TWSG1: variants seen among roughly 807,000 people sequenced by gnomAD.
TWSG1 encodes twisted gastrulation protein homolog 1.
Under a neutral mutation model 23.0 loss-of-function variants are expected in TWSG1, and 15 were observed. The ratio of observed to expected loss-of-function variants is 0.65; its 90% CI spans 0.44 to 1.00. The LOEUF is 1.00. Ranked by LOEUF, TWSG1 falls within the 50% of genes least tolerant of loss-of-function variation. TWSG1 has a pLI of 0.00. For missense variants in TWSG1, 242 were observed against 278.7 expected (o/e 0.87, Z 0.94); for synonymous variants, 86 against 92.8 (o/e 0.93, Z 0.42).
chr18:9,344,490 C>CGTGTGTGTGTGT lies in TWSG1; in HGVS notation c.123+7138_123+7139insGTGTGTGTGTGT, dbSNP rs1491456878. ...CATCTTTTTATGTGCTTAGTGAATG[C>CGTGTGTGTGTGT]ATGTGTGTGTGTGTGTGTGTGTGTG... On this transcript the variant is annotated intron_variant, in intron 2 of 4. Coordinates refer to ENST00000262120, the MANE Select transcript of TWSG1 (RefSeq NM_020648.6). 3.4e-3 allele frequency among the ~76,000 whole-genome samples: 387 copies of CGTGTGTGTGTGT among 112,740 alleles called. 19 individuals carry two copies. The highest frequency in any genetic ancestry group is 0.015 in the Middle Eastern group (3 of 198). The allele number at this position is 112,740 out of a possible 152,430, so 74.0% of individuals were successfully genotyped here. A position where few individuals can be genotyped will look rare whatever the true frequency, so the allele number is the denominator to read the frequency against.
intron 3 of TWSG1, among the ~76,000 whole-genome samples, chr18:9,371,670 A>G (rs1352462054): frequency 1.3e-5 from 2 of 151,882 alleles, no homozygotes; most frequent in Non-Finnish European, 2.9e-5. Context: ...TATATTTCCT[A>G]TATATTCTCT....
intron 2 of TWSG1, among the ~76,000 whole-genome samples, chr18:9,339,907 T>C (rs112913016): frequency 3.3e-5 from 5 of 152,358 alleles, no homozygotes; most frequent in African/African-American, 1.2e-4. Flanking sequence ...ACTCAAATGG[T>C]GATTCTAGTA....
At position 9,402,373 on chromosome 18, in the gene TWSG1, TG is replaced by T. The variant is rs2040766807; in HGVS notation, c.*2848del. ...ACATATAAAATTGTGTATTTTTCTT[TG>T]GTTGTCCCTATTAACAAAAAAGTAT... is the stretch of plus-strand genomic sequence containing the variant. On this transcript the variant is annotated 3_prime_UTR_variant, in exon 5 of 5. Coordinates refer to ENST00000262120, the MANE Select transcript of TWSG1 (RefSeq NM_020648.6). 6.6e-6 allele frequency: 1 copy of T among 152,230 alleles called. No homozygotes were observed. Among genetic ancestry groups the T allele is most frequent in the Non-Finnish European group, 1.5e-5 (1 of 68,028 alleles). 9.4% of individuals were successfully genotyped at this position (152,230 alleles called of 1,614,324 possible). A position where few individuals can be genotyped will look rare whatever the true frequency, so the allele number is the denominator to read the frequency against.
intron 3 of TWSG1, among the ~76,000 whole-genome samples, chr18:9,378,138 A>G (rs973266158): frequency 3.3e-5 from 5 of 152,272 alleles, no homozygotes; most frequent in Non-Finnish European, 7.3e-5. Context: ...GATCAGCCAC[A>G]GACTAGGAGA....
intron 3 of TWSG1, among the ~76,000 whole-genome samples, chr18:9,393,931 G>A (rs1473380593): frequency 1.3e-5 from 2 of 152,074 alleles, no homozygotes; most frequent in African/African-American, 2.4e-5. Flanking sequence ...AGGATAAAAA[G>A]ATTTATATTT....
intron 2 of TWSG1, among the ~76,000 whole-genome samples, chr18:9,353,184 T>C (rs2040509804): frequency 6.6e-6 from 1 of 152,178 alleles, no homozygotes; most frequent in Non-Finnish European, 1.5e-5. Flanking sequence ...TATAAGTATA[T>C]ACTGATATTC....
chr18:9,361,458 T>C (rs2040552008), intron 3 of TWSG1, among the ~76,000 whole-genome samples: 1 of 152,206 alleles, frequency 6.6e-6, no homozygotes, highest in South Asian at 2.1e-4. Context: ...GAGTACTTAA[T>C]CCATGGACAG....
In TWSG1 at chr18:9,399,623, T is replaced by G; in HGVS notation, c.*96T>G. ...GTTGTATCTTGTATCAGAATCCCAG[T>G]AAGTTAAGTTGTAAAGACTTTGGAA... On this transcript the variant is annotated 3_prime_UTR_variant, in exon 5 of 5. Transcript: ENST00000262120. 1 of 1,112,648 alleles carries G rather than the reference T, an allele frequency of 9.0e-7. No homozygotes were observed. The highest frequency in any genetic ancestry group is 1.2e-6 in the Non-Finnish European group (1 of 805,138). 68.9% of individuals were successfully genotyped at this position (1,112,648 alleles called of 1,614,324 possible).
chr18:9,344,490 C>CGTGTGTGTGTGTGTGTGTGT (rs1491456878), intron 2 of TWSG1, among the ~76,000 whole-genome samples: 4 of 113,054 alleles, frequency 3.5e-5, no homozygotes, highest in African/African-American at 1.4e-4. Flanking sequence ...TTAGTGAATG[C>CGTGTGTGTGTGTGTGTGTGT]ATGTGTGTGT....
chr18:9,376,008 G>A (rs529754064), intron 3 of TWSG1, among the ~76,000 whole-genome samples: 5 of 151,850 alleles, frequency 3.3e-5, no homozygotes, highest in African/African-American at 9.7e-5. Flanking sequence ...TCTGCCTCCC[G>A]GGTTCAAGCA....
chr18:9,388,405 A>G (rs140491442), intron 3 of TWSG1: 54 of 152,360 alleles, frequency 3.5e-4, no homozygotes, highest in African/African-American at 1.3e-3. Context: ...AACAATTTTC[A>G]TAGGATTATG....
chr18:9,344,517 G>GGGTGTGTGTGTA (rs1555650747), intron 2 of TWSG1, among the ~76,000 whole-genome samples: 1 of 105,760 alleles, frequency 9.5e-6, no homozygotes, highest in Non-Finnish European at 1.8e-5. Context: ...GTGTGTGTGT[G>GGGTGTGTGTGTA]TGTGTATGTA....
chr18:9,368,994 A>G (rs1598828385), intron 3 of TWSG1, among the ~76,000 whole-genome samples: 1 of 151,348 alleles, frequency 6.6e-6, no homozygotes, highest in East Asian at 2.0e-4. Context: ...TTGTAATCCC[A>G]GCTACTCAGG....
intron 4 of TWSG1, among the ~76,000 whole-genome samples, chr18:9,398,197 T>C (rs575310121): frequency 2.0e-5 from 3 of 152,262 alleles, no homozygotes; most frequent in East Asian, 3.9e-4. Context: ...AATAATAATA[T>C]GTTTTGTTAT....
At chr18:9,343,258 ATATC>A (rs2040455718) in intron 2 of TWSG1, among the ~76,000 whole-genome samples, 1 of 134,936 alleles carries the variant, frequency 7.4e-6, no homozygotes, top group Non-Finnish European at 1.6e-5. Context: ...ATATATATAT[ATATC>A]TTGTCCTAAC....
chr18:9,395,366 ATTC>A (rs1281165760), intron 3 of TWSG1, among the ~76,000 whole-genome samples: 5 of 152,200 alleles, frequency 3.3e-5, no homozygotes, highest in Non-Finnish European at 7.4e-5. Flanking sequence ...ACATCAGTAT[ATTC>A]TTATCTAACA....
At position 9,387,770 on chromosome 18, in the gene TWSG1, CAAA is replaced by C. The variant is rs10616614; in HGVS notation, c.224-8495_224-8493del. ...GGGCAACAAGAGTGAAACTCTGTCT[CAAA>C]AAAAAAAAAAAAAAGCAAATTGCAG... On this transcript the variant is annotated intron_variant, in intron 3 of 4. Transcript: ENST00000262120. 1.2e-3 allele frequency among the ~76,000 whole-genome samples: 150 copies of C among 120,916 alleles called. 1 individual carries two copies. The highest frequency in any genetic ancestry group is 3.2e-3 in the South Asian group (12 of 3,722). 79.3% of individuals were successfully genotyped at this position (120,916 alleles called of 152,430 possible). A position where few individuals can be genotyped will look rare whatever the true frequency, so the allele number is the denominator to read the frequency against.
chr18:9,379,893 A>G (rs1209177831), intron 3 of TWSG1, among the ~76,000 whole-genome samples: 1 of 152,186 alleles, frequency 6.6e-6, no homozygotes, highest in Non-Finnish European at 1.5e-5. Context: ...ACATGGTATC[A>G]CTTTGTTTTT....
At chr18:9,366,802 G>C in intron 3 of TWSG1, among the ~76,000 whole-genome samples, 1 of 152,024 alleles carries the variant, frequency 6.6e-6, no homozygotes, top group East Asian at 1.9e-4. Context: ...AATTTTAATT[G>C]ACAAATAATA....
Sources: gnomAD v4.1 joint callset for allele counts (sites outside exome capture counted in the v4.1 genomes callset) on GRCh38, gnomAD v4.1.1 for gene constraint, MANE v1.5 for transcripts, NCBI Gene and HGNC (gene_info 2026-07-23, HGNC 2026-07-21) for gene names.